Variants in PI4KA observed in about 807,000 individuals in gnomAD.
PI4KA encodes the protein phosphatidylinositol 4-kinase alpha.
A neutral mutation model predicts 271.4 loss-of-function variants in PI4KA; 122 were observed. The observed-to-expected ratio is 0.45, with a 90% CI of 0.39 to 0.52. The LOEUF is 0.52. Among genes scored for constraint, PI4KA ranks in the 20% least tolerant of loss-of-function variants. The probability of loss-of-function intolerance (pLI) is 0.00; values close to 1 mark genes in which losing one functional copy is unlikely to be tolerated. For missense variants in PI4KA, 1,969 were observed against 2,769.1 expected (o/e 0.71, Z 6.48); for synonymous variants, 1,041 against 1,078.8 (o/e 0.96, Z 0.69).
chr22:20,792,929 G>A (rs1029636514), intron 19 of PI4KA, among the ~76,000 whole-genome samples: 5 of 152,316 alleles, frequency 3.3e-5, no homozygotes, highest in Middle Eastern at 3.4e-3. Flanking sequence ...GGAGCCACCC[G>A]GCAGGGAACC....
At chr22:20,743,145 C>G in intron 30 of PI4KA, among the ~76,000 whole-genome samples, 1 of 152,084 alleles carries the variant, frequency 6.6e-6, no homozygotes, top group East Asian at 1.9e-4. Flanking sequence ...ACAATATCAG[C>G]CTCATTATTA....
intron 1 of PI4KA, among the ~76,000 whole-genome samples, chr22:20,846,835 C>CAAAAAAA (rs361933): frequency 1.6e-5 from 1 of 61,724 alleles, no homozygotes; most frequent in Non-Finnish European, 2.8e-5. Flanking sequence ...AGTGCAGGCT[C>CAAAAAAA]AAAAAAAAAA....
rs1933529212 is a variant in PI4KA at position 20,779,036 on chromosome 22, G to C, written c.2329-13343C>G. The C allele has an allele frequency of 4.5e-6, 3 of 670,846 alleles. No individual in the cohort carries two copies. The South Asian group carries it at 5.9e-5, about 13-fold the overall frequency. 41.6% of individuals were successfully genotyped at this position (670,846 alleles called of 1,614,324 possible). A position where few individuals can be genotyped will look rare whatever the true frequency, so the allele number is the denominator to read the frequency against. ...GCCTGAGCTCCCAGGATTCTAGAAG[G>C]TTAGTTTTGCAAACCTTTAAAGAAG... On this transcript the variant is annotated intron_variant, in intron 19 of 54. Transcript: ENST00000255882.
chr22:20,839,606 C>T (rs774443733), intron 1 of PI4KA, among the ~76,000 whole-genome samples: 13 of 152,118 alleles, frequency 8.5e-5, no homozygotes, highest in African/African-American at 2.9e-4. Context: ...CCGAGGCAGG[C>T]GGATCACGAG....
intron 22 of PI4KA, 91 bp downstream of exon 22, chr22:20,764,726 T>C (rs966828169): frequency 1.5e-4 from 206 of 1,348,828 alleles, no homozygotes; most frequent in East Asian, 3.4e-4. Context: ...TTGGGAGAAG[T>C]TGAAAAAAGT....
intron 19 of PI4KA, chr22:20,786,939 T>C (rs772390602): frequency 6.2e-7 from 1 of 1,614,082 alleles, no homozygotes; most frequent in South Asian, 1.1e-5. Context: ...GTGACCACGG[T>C]GGGGTTCATG....
intron 1 of PI4KA, among the ~76,000 whole-genome samples, chr22:20,850,177 A>G (rs1038746582): frequency 6.6e-6 from 1 of 152,172 alleles, no homozygotes; most frequent in African/African-American, 2.4e-5. Context: ...TGAAGGATCA[A>G]ATCAAACCAC....
intron 1 of PI4KA, among the ~76,000 whole-genome samples, chr22:20,857,219 T>C (rs966659425): frequency 6.6e-6 from 1 of 152,204 alleles, no homozygotes; most frequent in African/African-American, 2.4e-5. Flanking sequence ...GTCACACTAG[T>C]GAAAGCAAGT....
intron 19 of PI4KA, chr22:20,784,206 C>G (rs778720255): frequency 6.2e-7 from 1 of 1,614,096 alleles, no homozygotes; most frequent in Non-Finnish European, 8.5e-7. Context: ...CAACTGACAC[C>G]CCGGGTGGTG....
chr22:20,855,213 G>C (rs1036060952), intron 1 of PI4KA, among the ~76,000 whole-genome samples: 1 of 150,296 alleles, frequency 6.7e-6, no homozygotes, highest in African/African-American at 2.4e-5. Context: ...TTTGTCAATT[G>C]CTTCAAAAGG....
chr22:20,788,999 C>T (rs1934455481), intron 19 of PI4KA, among the ~76,000 whole-genome samples: 1 of 152,292 alleles, frequency 6.6e-6, no homozygotes, highest in African/African-American at 2.4e-5. Flanking sequence ...GTGTGGAGTC[C>T]TCCACACTCT....
At chr22:20,763,412 G>A (rs1932205170) in intron 22 of PI4KA, among the ~76,000 whole-genome samples, 2 of 150,884 alleles carry the variant, frequency 1.3e-5, no homozygotes, top group Non-Finnish European at 3.0e-5. Context: ...AACCGGCCGT[G>A]CCTAGCCATT....
chr22:20,807,152 A>G (rs1369826177), intron 10 of PI4KA, among the ~76,000 whole-genome samples: 4 of 152,232 alleles, frequency 2.6e-5, no homozygotes, highest in African/African-American at 7.2e-5. Context: ...CAAAGGAGCC[A>G]TCATCGATGG....
At chr22:20,799,630 G>T in intron 15 of PI4KA, 41 bp downstream of exon 15, 1 of 1,416,718 alleles carries the variant, frequency 7.1e-7, no homozygotes, top group Non-Finnish European at 9.8e-7. Context: ...AGCCTGCTGA[G>T]AACAATGGGC....
At chr22:20,768,751 C>A (rs1932752042) in intron 19 of PI4KA, among the ~76,000 whole-genome samples, 1 of 152,096 alleles carries the variant, frequency 6.6e-6, no homozygotes, top group Non-Finnish European at 1.5e-5. Context: ...GCAGGGCAGG[C>A]TCTGGGTAGG....
chr22:20,819,975 A>T (rs569646091), intron 5 of PI4KA, 75 bp from the exon 6 acceptor site: 1 of 1,287,504 alleles, frequency 7.8e-7, no homozygotes, highest in South Asian at 1.4e-5. Context: ...CTAACTTGTA[A>T]CATTGACTAA....
intron 13 of PI4KA, among the ~76,000 whole-genome samples, chr22:20,802,762 T>A (rs1935402080): frequency 6.6e-6 from 1 of 152,222 alleles, no homozygotes; most frequent in African/African-American, 2.4e-5. Context: ...AACAGCCACC[T>A]TCATGAGACT....
At chr22:20,732,796 G>A (rs1235925265) in intron 36 of PI4KA, among the ~76,000 whole-genome samples, 175 bp downstream of exon 36, 1 of 152,172 alleles carries the variant, frequency 6.6e-6, no homozygotes, top group Non-Finnish European at 1.5e-5. Flanking sequence ...CAGGCCAGAG[G>A]AGAAGCAGAG....
chr22:20,732,692 A>AG (rs1318526111), intron 36 of PI4KA, among the ~76,000 whole-genome samples: 1 of 152,162 alleles, frequency 6.6e-6, no homozygotes, highest in African/African-American at 2.4e-5. Context: ...AGCTGCTCAG[A>AG]GGGGTGTGTG....
Sources: gnomAD v4.1 joint callset for allele counts (sites outside exome capture counted in the v4.1 genomes callset) on GRCh38, gnomAD v4.1.1 for gene constraint, MANE v1.5 for transcripts, NCBI Gene and HGNC (gene_info 2026-07-23, HGNC 2026-07-21) for gene names.